The following COBLL1 variants were observed in gnomAD, a reference collection of about 807,000 sequenced individuals.
COBLL1 encodes the protein cordon-bleu WH2 repeat protein like 1, also known as cordon-bleu protein-like 1.
Under a neutral mutation model 94.8 loss-of-function variants are expected in COBLL1, and 50 were observed. That is an observed-to-expected ratio of 0.53 (90% CI 0.42 to 0.67). The LOEUF is 0.67. Ranked by LOEUF, COBLL1 falls within the 30% of genes least tolerant of loss-of-function variation. The pLI, the probability that COBLL1 is intolerant of heterozygous loss-of-function variation, is 0.00. For synonymous variants in COBLL1, 448 were observed against 473.8 expected, an observed-to-expected ratio of 0.95 and a Z score of 0.71; for missense variants, 1,362 against 1,348.7, an observed-to-expected ratio of 1.01 and a Z score of -0.15.
At chr2:164,761,783 A>G (rs963045702) in intron 2 of COBLL1, among the ~76,000 whole-genome samples, 1 of 152,206 alleles carries the variant, frequency 6.6e-6, no homozygotes, top group Non-Finnish European at 1.5e-5. Context: ...GTTAAAACCC[A>G]AGAAGTTTCC....
chr2:164,787,466 AAC>A (rs1347746336), intron 2 of COBLL1, among the ~76,000 whole-genome samples: 8 of 149,328 alleles, frequency 5.4e-5, no homozygotes, highest in Admixed American at 6.8e-5. Flanking sequence ...TATGTTAATT[AAC>A]AGTGGTAATC....
chr2:164,685,465 T>C lies in COBLL1; in HGVS notation c.*481A>G, dbSNP rs961698717. 1 of 152,338 alleles carries C rather than the reference T, an allele frequency of 6.6e-6. No homozygotes were observed. The highest frequency in any genetic ancestry group is 1.5e-5 in the Non-Finnish European group (1 of 68,066). 9.4% of individuals were successfully genotyped at this position (152,338 alleles called of 1,614,324 possible). ...ACTGAATATACTTATTTGGTATCAC[T>C]AGTTTTCTAAATCATTCTTTCAGCC... On this transcript the variant is annotated 3_prime_UTR_variant, in exon 14 of 14. Coordinates refer to ENST00000652658, the MANE Select transcript of COBLL1 (RefSeq NM_001365672.2).
intron 2 of COBLL1, among the ~76,000 whole-genome samples, chr2:164,824,280 C>A (rs190782494): frequency 6.6e-6 from 1 of 151,710 alleles, no homozygotes; most frequent in Non-Finnish European, 1.5e-5. Context: ...ACTTGGGAGG[C>A]TGAGACGGGA....
At chr2:164,818,400 G>A (rs1684953452) in intron 2 of COBLL1, among the ~76,000 whole-genome samples, 1 of 146,204 alleles carries the variant, frequency 6.8e-6, no homozygotes, top group African/African-American at 2.6e-5. Context: ...ATATACATGT[G>A]TACATATATA....
intron 3 of COBLL1, among the ~76,000 whole-genome samples, chr2:164,741,767 A>T (rs535304934): frequency 6.6e-6 from 1 of 152,250 alleles, no homozygotes; most frequent in Non-Finnish European, 1.5e-5. Context: ...GGGTGCTTGT[A>T]AGTACAAATG....
In COBLL1 at chr2:164,814,160, T is replaced by C. The variant is rs114027091; in HGVS notation, c.41+26996A>G. ...TAGTAAGGTAGCAAGAATGAATTAC[T>C]TTGTAGAAGCTGCTTCATTTCTCAT... is the stretch of plus-strand genomic sequence containing the variant. On this transcript the variant is annotated intron_variant, in intron 2 of 13. Coordinates refer to ENST00000652658, the MANE Select transcript of COBLL1 (RefSeq NM_001365672.2). Among the ~76,000 whole-genome samples, 490 of 152,294 alleles carry C rather than the reference T, an allele frequency of 3.2e-3. 3 individuals are homozygous for C. Among genetic ancestry groups the C allele is most frequent in the African/African-American group, 0.011 (471 of 41,572 alleles).
At chr2:164,664,642 CTAAG>C (rs1691125297) in intron 2 of COBLL1, among the ~76,000 whole-genome samples, 1 of 152,076 alleles carries the variant, frequency 6.6e-6, no homozygotes, top group Non-Finnish European at 1.5e-5. Context: ...ACTGTATAAA[CTAAG>C]TGACAAAACT....
At chr2:164,797,094 C>T (rs3820991) in intron 2 of COBLL1, among the ~76,000 whole-genome samples, 54,252 of 152,050 alleles carry the variant, frequency 0.36, 9,898 homozygotes, top group Admixed American at 0.41. Flanking sequence ...AAAGTTAATG[C>T]TATTCACAAC....
In COBLL1 at chr2:164,694,574, C is replaced by T. The variant is rs756784317; in HGVS notation, c.2818G>A (p.Gly940Ser). ...GGGGAGGCTTCAGCAGGAGCCTGAC[C>T]GATGACATCATCATCAGTTTTTTCA... ...LVEKTDDDVI[G>S]QAPAEASPPP... Residue 940 changes from glycine to serine, a missense_variant, in exon 12 of 14, where the codon GGT becomes AGT. Gly to Ser is a moderately conservative substitution (Grantham distance 56). Coordinates refer to ENST00000652658, the MANE Select transcript of COBLL1 (RefSeq NM_001365672.2). 1.1e-4 allele frequency: 184 copies of T among 1,613,648 alleles called. 1 individual carries two copies. Among genetic ancestry groups the T allele is most frequent in the South Asian group, 5.7e-4 (52 of 91,066 alleles).
At chr2:164,703,603 G>A in intron 9 of COBLL1, 1 of 426,106 alleles carries the variant, frequency 2.3e-6, no homozygotes, top group Admixed American at 3.3e-5. Flanking sequence ...ACATATATAT[G>A]CTAAAATTCC....
At chr2:164,748,612 T>G (rs2105577841) in intron 2 of COBLL1, among the ~76,000 whole-genome samples, 1 of 152,304 alleles carries the variant, frequency 6.6e-6, no homozygotes, top group East Asian at 1.9e-4. Flanking sequence ...TTCAACCAGT[T>G]TTCTTATCAA....
At chr2:164,775,752 C>T (rs1401355902) in intron 2 of COBLL1, among the ~76,000 whole-genome samples, 3 of 152,150 alleles carry the variant, frequency 2.0e-5, no homozygotes, top group Non-Finnish European at 4.4e-5. Context: ...CGGCACCTGG[C>T]CCTTGGTGGT....
At chr2:164,830,913 T>C (rs1171905891) in intron 2 of COBLL1, among the ~76,000 whole-genome samples, 1 of 152,240 alleles carries the variant, frequency 6.6e-6, no homozygotes, top group Admixed American at 6.5e-5. Context: ...CAAATCTCAC[T>C]TTCCTAAAGG....
intron 2 of COBLL1, among the ~76,000 whole-genome samples, chr2:164,813,101 C>A (rs1684537680): frequency 6.6e-6 from 1 of 152,006 alleles, no homozygotes; most frequent in African/African-American, 2.4e-5. Flanking sequence ...GAAAGTGGCA[C>A]ACACTTCTAA....
intron 1 of COBLL1, among the ~76,000 whole-genome samples, chr2:164,670,794 G>T (rs1367863816): frequency 6.6e-6 from 1 of 152,198 alleles, no homozygotes; most frequent in African/African-American, 2.4e-5. Context: ...ACCAAGGCTA[G>T]TGACATGCTC....
chr2:164,675,250 A>G (rs1255237891), downstream of COBLL1, among the ~76,000 whole-genome samples: 4 of 152,096 alleles, frequency 2.6e-5, no homozygotes, highest in Admixed American at 2.6e-4. Context: ...TTTCAAATAC[A>G]CCGTTGTCTC....
At chr2:164,745,287 A>G (rs1686806784) in intron 2 of COBLL1, among the ~76,000 whole-genome samples, 1 of 152,172 alleles carries the variant, frequency 6.6e-6, no homozygotes, top group African/African-American at 2.4e-5. Context: ...CTTAACTCTT[A>G]GTGGTATAAT....
upstream of COBLL1, chr2:164,841,913 G>A (rs1382137469): frequency 2.8e-6 from 4 of 1,453,580 alleles, no homozygotes; most frequent in Non-Finnish European, 3.7e-6. This position sits in a 1 kb window ranked among gnomAD's most constrained non-coding sequence, Gnocchi z 5.5. Flanking sequence ...TGCGGGCGCT[G>A]GCTGGGCGCT....
At chr2:164,825,221 A>G (rs1685366792) in intron 2 of COBLL1, among the ~76,000 whole-genome samples, 1 of 152,084 alleles carries the variant, frequency 6.6e-6, no homozygotes, top group African/African-American at 2.4e-5. Flanking sequence ...TGTGACCCTG[A>G]TACTTTTAAT....
Sources: allele counts gnomAD v4.1 joint callset (sites outside exome capture counted in the v4.1 genomes callset), GRCh38; gene constraint gnomAD v4.1.1; non-coding constraint Gnocchi (gnomAD v3.1); transcripts MANE v1.5; gene names NCBI Gene and HGNC (gene_info 2026-07-23, HGNC 2026-07-21).